The following ARHGEF6 variants were observed in gnomAD, a reference collection of about 807,000 sequenced individuals.
ARHGEF6 encodes the protein rho guanine nucleotide exchange factor 6.
A neutral mutation model predicts 70.3 loss-of-function variants in ARHGEF6; 9 were observed. That is an observed-to-expected ratio of 0.13 (90% CI 0.08 to 0.22). ARHGEF6 has a LOEUF of 0.22. Ranked by LOEUF, ARHGEF6 falls within the 10% of genes least tolerant of loss-of-function variation. The probability of loss-of-function intolerance (pLI) is 1.00; values close to 1 mark genes in which losing one functional copy is unlikely to be tolerated. For missense variants in ARHGEF6, 470 were observed against 563.0 expected (o/e 0.83, Z 1.67); for synonymous variants, 201 against 207.8 (o/e 0.97, Z 0.28).
rs59532724 is a variant in ARHGEF6, at chrX:136,710,330, CATAT to C, written c.828-1564_828-1561del. 7.5e-3 allele frequency among the ~76,000 whole-genome samples: 659 copies of C among 87,549 alleles called. 8 individuals carry two copies. The highest frequency in any genetic ancestry group is 0.025 in the African/African-American group (599 of 24,396). The allele number at this position is 87,549 out of a possible 115,157, so 76.0% of individuals were successfully genotyped here. On this transcript the variant is annotated intron_variant, in intron 7 of 21. Transcript: ENST00000250617. ...TATAATATATATATTATATATTATACATATATATATATATATATATATAGAATAC... is the reference window on the plus strand; with the variant it reads ...TATAATATATATATTATATATTATACATATATATATATATATATAGAATAC...
At chrX:136,700,370 C>CA (rs1392169862) in intron 9 of ARHGEF6, among the ~76,000 whole-genome samples, 7 of 110,660 alleles carry the variant, frequency 6.3e-5, no homozygotes, top group Non-Finnish European at 1.1e-4. Flanking sequence ...ACTAAAAATA[C>CA]AAAAAAATTA....
Position 136,682,830 on chromosome X carries a change from C to T in ARHGEF6, c.1407G>A (p.Arg469=), listed in dbSNP as rs199956578. The part of the protein sequence containing the change: ...QYGACEEKEE[R]YLMLFSNVLI... ...GGACATTTGAAAATAACATAAGGTA[C>T]CGCTCCTCTTTTTCCTGAGAGGGAA... The change falls in exon 13 of 22, where the codon CGG becomes CGA. Residue 469 remains arginine (R), a synonymous_variant. Transcript: ENST00000250617. 3 of 1,204,712 alleles carry T rather than the reference C, an allele frequency of 2.5e-6. No individual in the cohort carries two copies. The highest frequency in any genetic ancestry group is 2.2e-5 in the Admixed American group (1 of 46,016).
chrX:136,758,310 G>C (rs1015895019), intron 2 of ARHGEF6, among the ~76,000 whole-genome samples: 4 of 109,342 alleles, frequency 3.7e-5, no homozygotes, highest in Admixed American at 2.9e-4. Flanking sequence ...CTCGGCCTCC[G>C]AAAGTGCTGG....
chrX:136,747,539 AC>A lies in ARHGEF6; in HGVS notation c.302del (p.Ser101IlefsTer4). On this transcript the variant is annotated frameshift_variant, in exon 3 of 22. Transcript: ENST00000250617. LOFTEE classifies it high-confidence loss of function. The part of the protein sequence containing the change: ...YSGVNFSKVL[S>X]TLLAVNKATE... ...TTGCTTTGTTGACAGCTAAAAGAGT[AC>A]TCAGTACCTTGGAGAAATTGACCCC... The A allele has an allele frequency of 8.3e-7, 1 of 1,209,838 alleles. No homozygotes were observed. The highest frequency in any genetic ancestry group is 1.1e-6 in the Non-Finnish European group (1 of 894,314).
Position 136,713,284 on chromosome X carries a change from G to A in ARHGEF6, c.819C>T (p.Ser273=). The A allele has an allele frequency of 8.4e-7, 1 of 1,192,904 alleles. No individual in the cohort carries two copies. The change falls in exon 7 of 22, where the codon TCC becomes TCT. Residue 273 remains serine, a synonymous_variant. Coordinates refer to ENST00000250617, the MANE Select transcript of ARHGEF6 (RefSeq NM_004840.3). ...LLVTYLRPLQ[S]NNNLSTVEVT... ...TAAAATAAACATCTTACTTGTTATT[G>A]GACTGCAGGGGTCTTAAGTAAGTAA...
chrX:136,754,256 G>T (rs5930988), intron 2 of ARHGEF6, among the ~76,000 whole-genome samples: 1 of 109,386 alleles, frequency 9.1e-6, no homozygotes, highest in East Asian at 2.9e-4. Flanking sequence ...ATCTTAGTGG[G>T]GCCAGTCACA....
chrX:136,779,037 G>T (rs1247277991), intron 2 of ARHGEF6, among the ~76,000 whole-genome samples: 2 of 111,589 alleles, frequency 1.8e-5, no homozygotes, highest in African/African-American at 6.5e-5. Flanking sequence ...TAATGGGAAG[G>T]AGTAACAATG....
intron 6 of ARHGEF6, among the ~76,000 whole-genome samples, chrX:136,720,360 C>T (rs1233572952): frequency 2.7e-5 from 3 of 111,700 alleles, no homozygotes; most frequent in African/African-American, 9.7e-5. Context: ...TAATCTATCA[C>T]ATCAACAGGC....
At chrX:136,727,491 T>G (rs2076881829) in intron 6 of ARHGEF6, among the ~76,000 whole-genome samples, 1 of 99,874 alleles carries the variant, frequency 1.0e-5, no homozygotes, top group Admixed American at 1.1e-4. Context: ...CCTTCTCTCC[T>G]TCTCTCTCTC....
chrX:136,668,138 T>C lies in ARHGEF6; in HGVS notation c.2222A>G (p.Glu741Gly). ...TAGGTCCCTTCTTGATTTCAGTTCT[T>C]CTTCCAGGCATTGCTTCATTCTTTT... ...ENKRMKQCLE[E>G]ELKSRRDLEK... Residue 741 changes from glutamate (E) to glycine (G), a missense_variant, in exon 22 of 22, where the codon GAA becomes GGA. This residue lies in a region of ARHGEF6 where 88 missense variants were observed against 95.5 expected (regional missense o/e 0.92). Transcript: ENST00000250617. 1.7e-6 allele frequency: 2 copies of C among 1,211,670 alleles called. No homozygotes were observed. The highest frequency in any genetic ancestry group is 2.2e-6 in the Non-Finnish European group (2 of 895,412).
At chrX:136,768,551 TCTC>T (rs1430550513) in intron 2 of ARHGEF6, 1 of 111,943 alleles carries the variant, frequency 8.9e-6, no homozygotes, top group Non-Finnish European at 1.9e-5. Flanking sequence ...CCTACTCTAG[TCTC>T]CTCATTTTAC....
intron 2 of ARHGEF6, among the ~76,000 whole-genome samples, chrX:136,752,464 G>A (rs758092678): frequency 8.9e-5 from 10 of 112,316 alleles, no homozygotes; most frequent in Non-Finnish European, 1.5e-4. Context: ...AAACATCTGT[G>A]CCACGTGCAA....
At chrX:136,672,232 A>G in intron 19 of ARHGEF6, 113 bp from the exon 20 acceptor site, 1 of 605,811 alleles carries the variant, frequency 1.7e-6, no homozygotes, top group Admixed American at 2.4e-5. Flanking sequence ...TGTTCATAGC[A>G]TGTTGCTACA....
At chrX:136,722,599 T>C (rs981077907) in intron 6 of ARHGEF6, among the ~76,000 whole-genome samples, 4 of 111,597 alleles carry the variant, frequency 3.6e-5, no homozygotes, top group African/African-American at 6.5e-5. Flanking sequence ...AAACTACAAT[T>C]AGATACTACT....
intron 20 of ARHGEF6, among the ~76,000 whole-genome samples, chrX:136,671,798 G>A (rs2076227719): frequency 8.9e-6 from 1 of 112,189 alleles, no homozygotes; most frequent in Admixed American, 9.4e-5. Flanking sequence ...GCCAGCTGGA[G>A]CTGCCTTGGA....
intron 13 of ARHGEF6, 87 bp downstream of exon 13, chrX:136,682,671 T>C (rs1479572230): frequency 1.4e-6 from 1 of 739,117 alleles, no homozygotes; most frequent in Non-Finnish European, 2.1e-6. Flanking sequence ...GCTTGAGCTT[T>C]TAATGCCATA....
intron 5 of ARHGEF6, among the ~76,000 whole-genome samples, chrX:136,737,113 A>C (rs979383117): frequency 5.1e-4 from 57 of 112,080 alleles, no homozygotes; most frequent in African/African-American, 1.7e-3. Context: ...GACTGAGATC[A>C]CTAAAGATTT....
chrX:136,709,242 T>C (rs1166623872), intron 7 of ARHGEF6, among the ~76,000 whole-genome samples: 1 of 103,801 alleles, frequency 9.6e-6, no homozygotes, highest in Non-Finnish European at 1.9e-5. Flanking sequence ...CTTTATGAGA[T>C]GAAGTAGGAG....
At chrX:136,780,576 CAGTA>C (rs767604752) in intron 1 of ARHGEF6, 138 bp downstream of exon 1, 2 of 619,183 alleles carry the variant, frequency 3.2e-6, no homozygotes, top group African/African-American at 2.2e-5. Flanking sequence ...ACTACAAAAA[CAGTA>C]AGAAAGAATG....
Sources: allele counts gnomAD v4.1 joint callset (sites outside exome capture counted in the v4.1 genomes callset), GRCh38; gene constraint gnomAD v4.1.1; regional missense constraint gnomAD v4.1.1; transcripts MANE v1.5; gene names NCBI Gene and HGNC (gene_info 2026-07-23, HGNC 2026-07-21).